Variants in MEGF6 observed in about 807,000 individuals in gnomAD.
MEGF6 encodes multiple EGF like domains 6.
A neutral mutation model predicts 207.1 loss-of-function variants in MEGF6; 184 were observed. The observed-to-expected ratio is 0.89, with a 90% CI of 0.79 to 1.00. MEGF6 has a LOEUF of 1.00. Ranked by LOEUF, MEGF6 falls within the 50% of genes least tolerant of loss-of-function variation. The pLI, the probability that MEGF6 is intolerant of heterozygous loss-of-function variation, is 0.00. For synonymous variants in MEGF6, 1,038 were observed against 910.0 expected, an observed-to-expected ratio of 1.14 and a Z score of -2.53; for missense variants, 2,282 against 2,202.9, an observed-to-expected ratio of 1.04 and a Z score of -0.72.
At chr1:3,524,766 G>T (rs988548004) in intron 4 of MEGF6, among the ~76,000 whole-genome samples, 4 of 152,198 alleles carry the variant, frequency 2.6e-5, no homozygotes, top group Non-Finnish European at 5.9e-5. Flanking sequence ...GCCTTGTCTG[G>T]AAACAGGGTC....
intron 8 of MEGF6, 134 bp downstream of exon 8, chr1:3,511,872 A>G: frequency 6.8e-7 from 1 of 1,480,132 alleles, no homozygotes; most frequent in Non-Finnish European, 9.1e-7. Flanking sequence ...CCCTCTGCTC[A>G]CCAAGGGCTC....
chr1:3,624,253 C>A, the MEGF6 span: 2 of 152,564 alleles, frequency 1.3e-5, no homozygotes, highest in African/African-American at 4.8e-5. Context: ...TCACCGCCCC[C>A]CTCCACACGC....
chr1:3,494,800 G>A (rs1348001573), intron 30 of MEGF6, 59 bp from the exon 31 acceptor site: 2 of 1,483,218 alleles, frequency 1.3e-6, no homozygotes, highest in Non-Finnish European at 1.8e-6. Flanking sequence ...CTCCCTCTGG[G>A]GATATGTCCC....
intron 4 of MEGF6, among the ~76,000 whole-genome samples, chr1:3,566,457 G>A (rs1370240885): frequency 6.6e-6 from 1 of 152,198 alleles, no homozygotes; most frequent in Non-Finnish European, 1.5e-5. Flanking sequence ...CCAACCTGGG[G>A]CCCACTTTGG....
chr1:3,516,850 G>A (rs1420243075), intron 5 of MEGF6, among the ~76,000 whole-genome samples: 1 of 152,214 alleles, frequency 6.6e-6, no homozygotes, highest in Non-Finnish European at 1.5e-5. Context: ...GCTATTGGGG[G>A]TCGCAGTGAT....
chr1:3,624,090 C>T, the MEGF6 span, among the ~76,000 whole-genome samples: 32 of 152,210 alleles, frequency 2.1e-4, no homozygotes, highest in African/African-American at 7.2e-4. Context: ...ACTCCTCATT[C>T]TCCCCCCATC....
chr1:3,577,607 C>A (rs766648344), intron 4 of MEGF6, among the ~76,000 whole-genome samples: 1 of 152,222 alleles, frequency 6.6e-6, no homozygotes, highest in Non-Finnish European at 1.5e-5. Flanking sequence ...CTCTGCGGTG[C>A]GTTCCCACGG....
chr1:3,494,245 G>A lies in MEGF6; in HGVS notation c.4130-121C>T, dbSNP rs183557459. The A allele has an allele frequency of 2.1e-4, 315 of 1,466,026 alleles. 3 individuals carry two copies. In the Admixed American group the frequency reaches 2.6e-3, roughly 12 times the overall value. 90.8% of individuals were successfully genotyped at this position (1,466,026 alleles called of 1,614,324 possible). A position where few individuals can be genotyped will look rare whatever the true frequency, so the allele number is the denominator to read the frequency against. Reference sequence around the variant, plus strand: ...GAAAAGCCCCCTCCTGCCCGTCCTCGTCCCTCCCCACTGCTGCTGGCTCCC... The same window carrying A: ...GAAAAGCCCCCTCCTGCCCGTCCTCATCCCTCCCCACTGCTGCTGGCTCCC... On this transcript the variant is annotated intron_variant, in intron 32 of 36. Transcript: ENST00000356575.
intron 4 of MEGF6, among the ~76,000 whole-genome samples, chr1:3,554,379 G>T (rs1642976494): frequency 1.3e-5 from 2 of 152,258 alleles, no homozygotes; most frequent in South Asian, 4.1e-4. Context: ...GCCGGGCCAG[G>T]CGGGAGGGGG....
the MEGF6 span, among the ~76,000 whole-genome samples, chr1:3,616,623 C>T: frequency 3.3e-5 from 5 of 152,114 alleles, no homozygotes; most frequent in East Asian, 1.9e-4. Flanking sequence ...AGCAAAGGAT[C>T]GCACCAGAAA....
In MEGF6 at chr1:3,500,729, G is replaced by A; in HGVS notation, c.2611C>T (p.His871Tyr). Reference protein sequence around the residue: ...DTGHWGPDCSHPCNCSAGHGS... With the variant: ...DTGHWGPDCSYPCNCSAGHGS... ...TGGCCAGCGCTGCAGTTGCAGGGGTGGCTGCAGTCAGGTCCCCAGTGCCCA... is the reference window on the plus strand; with the variant it reads ...TGGCCAGCGCTGCAGTTGCAGGGGTAGCTGCAGTCAGGTCCCCAGTGCCCA... Residue 871 changes from histidine (H) to tyrosine (Y), a missense_variant, in exon 21 of 37, where the codon CAC becomes TAC. Physicochemically the swap from His to Tyr is moderately conservative, Grantham distance 83. Coordinates refer to ENST00000356575, the MANE Select transcript of MEGF6 (RefSeq NM_001409.4). 6.2e-7 allele frequency: 1 copy of A among 1,600,098 alleles called. No individual in the cohort carries two copies. Among genetic ancestry groups the A allele is most frequent in the Non-Finnish European group, 8.5e-7 (1 of 1,173,920 alleles).
chr1:3,587,803 T>C (rs75192096), intron 3 of MEGF6, among the ~76,000 whole-genome samples: 3,283 of 148,314 alleles, frequency 0.022, 104 homozygotes, highest in African/African-American at 0.069. Context: ...GAGAATGTGT[T>C]TGTCCTCCCT....
chr1:3,615,863 G>C (rs959454042), upstream of MEGF6, among the ~76,000 whole-genome samples: 1 of 152,324 alleles, frequency 6.6e-6, no homozygotes, highest in South Asian at 2.1e-4. Flanking sequence ...TGGGTTACAC[G>C]CAGAACTGGG....
chr1:3,604,279 C>T (rs1644208545), intron 1 of MEGF6, among the ~76,000 whole-genome samples: 1 of 152,202 alleles, frequency 6.6e-6, no homozygotes, highest in Admixed American at 6.5e-5. Flanking sequence ...GCTTGCCCAC[C>T]CGAGGTAGCG....
At chr1:3,585,081 T>C (rs1166651401) in intron 3 of MEGF6, among the ~76,000 whole-genome samples, 1 of 146,898 alleles carries the variant, frequency 6.8e-6, no homozygotes, top group Admixed American at 6.7e-5. Context: ...TGTGTGAGTG[T>C]GAGTGAGGAC....
chr1:3,509,483 C>T (rs1641251605), intron 11 of MEGF6, among the ~76,000 whole-genome samples: 1 of 152,226 alleles, frequency 6.6e-6, no homozygotes, highest in African/African-American at 2.4e-5. Flanking sequence ...CCCTCTGCCC[C>T]CAGCCTCATC....
rs563697095 is a variant in MEGF6 at position 3,601,112 on chromosome 1, A to G, written c.266+1354T>C. On this transcript the variant is annotated intron_variant, in intron 2 of 36. Coordinates refer to ENST00000356575, the MANE Select transcript of MEGF6 (RefSeq NM_001409.4). ...GGCTGAGGACCCCGGCACATCGGCAATGCTGCTCCCACCCTGCCTTCAGGC... is the reference window on the plus strand; with the variant it reads ...GGCTGAGGACCCCGGCACATCGGCAGTGCTGCTCCCACCCTGCCTTCAGGC... Among the ~76,000 whole-genome samples, 340 of 152,304 alleles carry G rather than the reference A, an allele frequency of 2.2e-3. 1 individual carries two copies. Among genetic ancestry groups the G allele is most frequent in the African/African-American group, 7.8e-3 (324 of 41,570 alleles).
intron 3 of MEGF6, among the ~76,000 whole-genome samples, chr1:3,584,595 G>A (rs570524040): frequency 2.0e-5 from 3 of 152,230 alleles, no homozygotes; most frequent in Non-Finnish European, 4.4e-5. Context: ...CTGGCGCCAC[G>A]TCTGTGCCTC....
intron 4 of MEGF6, among the ~76,000 whole-genome samples, chr1:3,525,682 T>C (rs1641934436): frequency 6.6e-6 from 1 of 152,198 alleles, no homozygotes; most frequent in Non-Finnish European, 1.5e-5. Flanking sequence ...ACCCCCGGGA[T>C]GCACCATGAG....
Sources: gnomAD v4.1 joint callset for allele counts (sites outside exome capture counted in the v4.1 genomes callset) on GRCh38, gnomAD v4.1.1 for gene constraint, MANE v1.5 for transcripts, NCBI Gene and HGNC (gene_info 2026-07-23, HGNC 2026-07-21) for gene names.